Variants in GIMAP8 observed in about 807,000 individuals in gnomAD.
GIMAP8 encodes the protein GTPase, IMAP family member 8, also known as GTPase IMAP family member 8.
In GIMAP8, 29 loss-of-function variants were observed where a neutral mutation model predicts 35.6. The ratio of observed to expected loss-of-function variants is 0.81; its 90% CI spans 0.61 to 1.11. The LOEUF is 1.11. GIMAP8 is among the 50% of genes most tolerant of loss of function. GIMAP8 has a pLI of 0.00. For missense variants in GIMAP8, 811 were observed against 805.0 expected (o/e 1.01, Z -0.09); for synonymous variants, 335 against 308.7 (o/e 1.09, Z -0.89).
In GIMAP8 at chr7:150,477,856, T is replaced by A. The variant is rs1030266570; in HGVS notation, c.*76T>A. On this transcript the variant is annotated 3_prime_UTR_variant, in exon 5 of 5. Coordinates refer to ENST00000307271, the MANE Select transcript of GIMAP8 (RefSeq NM_175571.4). ...GGGAGGGGCGGGGCATGGTACAACC[T>A]GTGGGAAGGGAAGCGGGTTCATGGC... The A allele has an allele frequency of 2.5e-6, 3 of 1,195,002 alleles. No homozygotes were observed. Among genetic ancestry groups the A allele is most frequent in the Non-Finnish European group, 3.5e-6 (3 of 845,508 alleles). 74.0% of individuals were successfully genotyped at this position (1,195,002 alleles called of 1,614,324 possible).
intron 1 of GIMAP8, among the ~76,000 whole-genome samples, chr7:150,463,303 T>C (rs1199555381): frequency 6.6e-6 from 1 of 152,200 alleles, no homozygotes; most frequent in African/African-American, 2.4e-5. Flanking sequence ...TGATGTTCCT[T>C]AAGATCATTA....
chr7:150,473,703 T>C (rs1802146224), intron 3 of GIMAP8, among the ~76,000 whole-genome samples: 1 of 151,824 alleles, frequency 6.6e-6, no homozygotes, highest in South Asian at 2.1e-4. Context: ...TTACCTTTGG[T>C]AGGCCCCAGT....
intron 1 of GIMAP8, among the ~76,000 whole-genome samples, chr7:150,455,818 TA>T (rs1216617241): frequency 1.3e-5 from 2 of 152,204 alleles, no homozygotes; most frequent in Non-Finnish European, 2.9e-5. Flanking sequence ...AACAAGCTCT[TA>T]AATCATCAGA....
In GIMAP8 at chr7:150,451,438, T is replaced by G. The variant is rs1313059070; in HGVS notation, c.-29+263T>G. 6.6e-6 allele frequency among the ~76,000 whole-genome samples: 1 copy of G among 152,144 alleles called. No individual in the cohort carries two copies. Among genetic ancestry groups the G allele is most frequent in the African/African-American group, 2.4e-5 (1 of 41,428 alleles). ...CAGGGGCCCTGGGAAGCTTTCCTCC[T>G]GGTCCAAAGCGTGTCTCCCCAGCCT... is the stretch of plus-strand genomic sequence containing the variant. On this transcript the variant is annotated intron_variant, in intron 1 of 4. Coordinates refer to ENST00000307271, the MANE Select transcript of GIMAP8 (RefSeq NM_175571.4). The surrounding 1 kb of genome is among the most constrained non-coding windows in gnomAD (Gnocchi z 4.1).
chr7:150,452,797 A>C lies in GIMAP8; in HGVS notation c.-29+1622A>C, dbSNP rs1585109546. On this transcript the variant is annotated intron_variant, in intron 1 of 4. Transcript: ENST00000307271. Reference sequence around the variant, plus strand: ...AGACGGGGATTTCATCATGTTGACCAGGCTGGTCTCAAACTCCTGATCTCG... The same window carrying C: ...AGACGGGGATTTCATCATGTTGACCCGGCTGGTCTCAAACTCCTGATCTCG... Among the ~76,000 whole-genome samples the C allele has an allele frequency of 4.0e-5, 6 of 150,052 alleles. No individual in the cohort carries two copies. In the South Asian group the frequency reaches 1.3e-3, roughly 32 times the overall value.
chr7:150,453,699 A>G (rs1435570598), intron 1 of GIMAP8, among the ~76,000 whole-genome samples: 1 of 152,262 alleles, frequency 6.6e-6, no homozygotes, highest in Non-Finnish European at 1.5e-5. Context: ...AAAACAGAGC[A>G]AGTCCTTATT....
At chr7:150,460,089 T>C (rs1801812973) in intron 1 of GIMAP8, among the ~76,000 whole-genome samples, 1 of 152,142 alleles carries the variant, frequency 6.6e-6, no homozygotes, top group African/African-American at 2.4e-5. Flanking sequence ...AGATTGGCCT[T>C]AGTGAATGGA....
rs1247473939 is a variant in GIMAP8 at position 150,458,796 on chromosome 7, AC to A, written c.-29+7622del. On this transcript the variant is annotated intron_variant, in intron 1 of 4. Coordinates refer to ENST00000307271, the MANE Select transcript of GIMAP8 (RefSeq NM_175571.4). Reference sequence around the variant, plus strand: ...AGTACTATGATGTAAAGTTAACCATACTTAAATATTATAATATAAAATCAAT... The same window carrying A: ...AGTACTATGATGTAAAGTTAACCATATTAAATATTATAATATAAAATCAAT... Among the ~76,000 whole-genome samples the A allele has an allele frequency of 4.6e-5, 7 of 152,318 alleles. No homozygotes were observed. The South Asian group carries it at 1.5e-3, about 32-fold the overall frequency.
At chr7:150,457,266 C>T (rs111863857) in intron 1 of GIMAP8, among the ~76,000 whole-genome samples, 179 of 152,292 alleles carry the variant, frequency 1.2e-3, no homozygotes, top group African/African-American at 3.9e-3. Context: ...ACACCTCGAG[C>T]GATTTTCCGC....
At chr7:150,457,709 G>T (rs1214648593) in intron 1 of GIMAP8, among the ~76,000 whole-genome samples, 1 of 152,152 alleles carries the variant, frequency 6.6e-6, no homozygotes, top group East Asian at 1.9e-4. Context: ...TAACCAACAA[G>T]CACATGAAAA....
chr7:150,458,746 C>T (rs112606996), intron 1 of GIMAP8, among the ~76,000 whole-genome samples: 163 of 152,310 alleles, frequency 1.1e-3, no homozygotes, highest in African/African-American at 3.6e-3. Flanking sequence ...TCTTTTTATC[C>T]TTCTCTTTGA....
At chr7:150,468,926 G>T (rs932621323) in intron 2 of GIMAP8, among the ~76,000 whole-genome samples, 1 of 152,136 alleles carries the variant, frequency 6.6e-6, no homozygotes, top group African/African-American at 2.4e-5. Context: ...TTATCTCCTA[G>T]CCTGAGTGCT....
Position 150,466,726 on chromosome 7 carries a change from G to A in GIMAP8, c.28G>A (p.Glu10Lys), listed in dbSNP as rs143529569. 17 of 1,614,022 alleles carry A rather than the reference G, an allele frequency of 1.1e-5. No homozygotes were observed. The highest frequency in any genetic ancestry group is 5.0e-5 in the Admixed American group (3 of 60,002). ...GTCAGAGCAGAGCTGCCAGATGTCCGAACTGCGGCTCCTCCTCCTGGGAAA... is the reference window on the plus strand; with the variant it reads ...GTCAGAGCAGAGCTGCCAGATGTCCAAACTGCGGCTCCTCCTCCTGGGAAA... Reference protein sequence around the residue: MSEQSCQMSELRLLLLGKCR... With the variant: MSEQSCQMSKLRLLLLGKCR... The change falls in exon 2 of 5, where the codon GAA becomes AAA. Residue 10 changes from glutamate to lysine, a missense_variant. Transcript: ENST00000307271.
In GIMAP8 at chr7:150,474,640, T is replaced by C. The variant is rs1221476428; in HGVS notation, c.1309+2T>C. On this transcript the variant is annotated splice_donor_variant, in intron 4 of 4. Transcript: ENST00000307271. LOFTEE classifies it high-confidence loss of function. ...AGCATTGTGTTTTCAGAGAAAAAGG[T>C]AAAACTGTGAATAGGATATATATTT... The C allele has an allele frequency of 6.4e-6, 10 of 1,569,198 alleles. No homozygotes were observed. The highest frequency in any genetic ancestry group is 8.6e-6 in the Non-Finnish European group (10 of 1,159,698).
chr7:150,462,781 T>G (rs1693682702), intron 1 of GIMAP8, among the ~76,000 whole-genome samples: 1 of 152,224 alleles, frequency 6.6e-6, no homozygotes, highest in Non-Finnish European at 1.5e-5. Flanking sequence ...TTCTTTGTCT[T>G]TGACTTTTGA....
intron 1 of GIMAP8, among the ~76,000 whole-genome samples, chr7:150,455,469 A>C (rs1199218457): frequency 6.6e-6 from 1 of 152,228 alleles, no homozygotes; most frequent in African/African-American, 2.4e-5. Context: ...TGGTTCAGGA[A>C]TACACTAAAA....
chr7:150,476,963 G>C, intron 4 of GIMAP8, 129 bp from the exon 5 acceptor site: 1 of 690,154 alleles, frequency 1.4e-6, no homozygotes, highest in Non-Finnish European at 2.5e-6. Context: ...GCTTGGGTGA[G>C]AAGGAGGTCT....
chr7:150,470,909 T>G, intron 3 of GIMAP8, 35 bp downstream of exon 3: 1 of 1,455,234 alleles, frequency 6.9e-7, no homozygotes. Context: ...AAGCTCACAC[T>G]TGTATTCTTT....
At chr7:150,457,980 C>T (rs778752238) in intron 1 of GIMAP8, among the ~76,000 whole-genome samples, 1 of 152,084 alleles carries the variant, frequency 6.6e-6, no homozygotes, top group African/African-American at 2.4e-5. Context: ...ACTTGCTGCT[C>T]CCTCTGCCTG....
Sources: gnomAD v4.1 joint callset for allele counts (sites outside exome capture counted in the v4.1 genomes callset) on GRCh38, gnomAD v4.1.1 for gene constraint, Gnocchi (gnomAD v3.1) non-coding constraint, MANE v1.5 for transcripts, NCBI Gene and HGNC (gene_info 2026-07-23, HGNC 2026-07-21) for gene names.